DIP2C: variants seen among roughly 807,000 people sequenced by gnomAD.
DIP2C encodes DIP2 acetate--CoA ligase C (putative).
DIP2C carries 33 observed loss-of-function variants against 192.4 expected under a neutral mutation model. The observed-to-expected ratio is 0.17, with a 90% CI of 0.13 to 0.23. The LOEUF is 0.23. Among genes scored for constraint, DIP2C ranks in the 10% least tolerant of loss-of-function variants. The pLI is 1.00. For missense variants in DIP2C, 1,537 were observed against 2,110.1 expected (o/e 0.73, Z 5.32); for synonymous variants, 979 against 864.1 (o/e 1.13, Z -2.33).
intron 29 of DIP2C, chr10:340,725 G>A (rs774784541): frequency 3.5e-5 from 16 of 456,234 alleles, no homozygotes; most frequent in South Asian, 9.3e-5. Flanking sequence ...GCTCCGAGCC[G>A]GCTGCTGGGT....
intron 1 of DIP2C, among the ~76,000 whole-genome samples, chr10:670,010 G>A (rs182665688): frequency 3.1e-4 from 47 of 152,226 alleles, no homozygotes; most frequent in African/African-American, 1.1e-3. Context: ...CTGAGGAAAC[G>A]GAAAGTTGTC....
intron 1 of DIP2C, among the ~76,000 whole-genome samples, chr10:674,658 A>T (rs1830792671): frequency 6.6e-6 from 1 of 151,722 alleles, no homozygotes; most frequent in Non-Finnish European, 1.5e-5. Context: ...AATCCCAGCT[A>T]CTTGGGAGGC....
At position 277,246 on chromosome 10, in the gene DIP2C, CCT is replaced by C; in HGVS notation, c.*77_*78del. On this transcript the variant is annotated 3_prime_UTR_variant, in exon 37 of 37. Coordinates refer to ENST00000280886, the MANE Select transcript of DIP2C (RefSeq NM_014974.3). The stretch of plus-strand genomic sequence containing the variant: ...ATGGCTGTATTCTGGTGAGTGTTGC[CCT>C]GTGTCTGCACGCTTCAGTGGACACG... The C allele has an allele frequency of 6.4e-7, 1 of 1,563,380 alleles. No homozygotes were observed. Among genetic ancestry groups the C allele is most frequent in the Non-Finnish European group, 8.6e-7 (1 of 1,156,846 alleles).
At chr10:663,660 A>G (rs1396949058) in intron 1 of DIP2C, 2 of 152,270 alleles carry the variant, frequency 1.3e-5, no homozygotes, top group East Asian at 3.8e-4. Flanking sequence ...TGCGTGTGCC[A>G]TGACAGATCC....
chr10:466,841 G>A (rs11252584), intron 3 of DIP2C, among the ~76,000 whole-genome samples: 1,659 of 121,066 alleles, frequency 0.014, 60 homozygotes, highest in African/African-American at 0.041. Flanking sequence ...AGATATCATC[G>A]CACACCAGTT....
At chr10:495,952 T>C (rs1844798019) in intron 1 of DIP2C, among the ~76,000 whole-genome samples, 1 of 150,786 alleles carries the variant, frequency 6.6e-6, no homozygotes, top group African/African-American at 2.4e-5. Flanking sequence ...TGCCTTCCCG[T>C]GTACTTAAAA....
chr10:533,468 C>A (rs1278003166), intron 1 of DIP2C, among the ~76,000 whole-genome samples: 2 of 152,078 alleles, frequency 1.3e-5, no homozygotes, highest in Non-Finnish European at 2.9e-5. Flanking sequence ...TCAAATCCTT[C>A]CAAATAGTTT....
chr10:569,082 G>T (rs557068451), intron 1 of DIP2C, among the ~76,000 whole-genome samples: 7 of 152,124 alleles, frequency 4.6e-5, no homozygotes, highest in Non-Finnish European at 7.4e-5. Context: ...GGTAAGGTGC[G>T]GTCAAGGGTC....
chr10:556,097 C>T (rs1421749664), intron 1 of DIP2C, among the ~76,000 whole-genome samples: 1 of 129,920 alleles, frequency 7.7e-6, no homozygotes, highest in Non-Finnish European at 1.6e-5. Context: ...CCCCCCCTTC[C>T]ATAGCCGGAT....
At chr10:556,086 ACC>A (rs369490169) in intron 1 of DIP2C, among the ~76,000 whole-genome samples, 3 of 48,216 alleles carry the variant, frequency 6.2e-5, no homozygotes, top group East Asian at 1.0e-3. Context: ...GCACCCACCC[ACC>A]CCCCCTTCCA....
chr10:679,409 C>G, intron 1 of DIP2C, among the ~76,000 whole-genome samples: 1 of 79,536 alleles, frequency 1.3e-5, no homozygotes, highest in Non-Finnish European at 2.6e-5. Flanking sequence ...GCTCCCCACA[C>G]CCAGGCTCCC....
At chr10:349,490 C>T (rs201263256) in intron 24 of DIP2C, 36 bp from the exon 25 acceptor site, 25 of 1,580,652 alleles carry the variant, frequency 1.6e-5, no homozygotes, top group Non-Finnish European at 2.1e-5. Context: ...ACATAAGATT[C>T]CTTCAGCAGA....
intron 1 of DIP2C, among the ~76,000 whole-genome samples, chr10:554,679 T>C (rs1357428109): frequency 2.0e-5 from 3 of 152,204 alleles, no homozygotes; most frequent in Non-Finnish European, 4.4e-5. Context: ...GTCCTAGAAC[T>C]GGCTCCAGGG....
chr10:343,912 G>C (rs932817201), intron 28 of DIP2C, among the ~76,000 whole-genome samples: 4 of 152,220 alleles, frequency 2.6e-5, no homozygotes, highest in African/African-American at 9.6e-5. Flanking sequence ...TCACAGACGA[G>C]GGCATGGACA....
chr10:612,400 TTAAC>T (rs1391295990), intron 1 of DIP2C, among the ~76,000 whole-genome samples: 2 of 152,214 alleles, frequency 1.3e-5, no homozygotes, highest in Non-Finnish European at 2.9e-5. Context: ...AATGTTGAAT[TTAAC>T]TATCTTTTAA....
At chr10:655,344 T>C (rs530212416) in intron 1 of DIP2C, among the ~76,000 whole-genome samples, 1 of 152,326 alleles carries the variant, frequency 6.6e-6, no homozygotes, top group East Asian at 1.9e-4. Flanking sequence ...CGGACCCAGC[T>C]GAGCTAAAGA....
At chr10:309,293 C>A (rs560097415) in intron 32 of DIP2C, among the ~76,000 whole-genome samples, 1 of 152,194 alleles carries the variant, frequency 6.6e-6, no homozygotes, top group Non-Finnish European at 1.5e-5. Context: ...ACCAAGAACT[C>A]CACTTTTCTT....
At chr10:552,848 CA>C (rs551865513) in intron 1 of DIP2C, among the ~76,000 whole-genome samples, 1 of 151,920 alleles carries the variant, frequency 6.6e-6, no homozygotes, top group African/African-American at 2.4e-5. Context: ...GACTCCATCT[CA>C]AAAAAAAGTG....
intron 1 of DIP2C, among the ~76,000 whole-genome samples, chr10:492,271 C>T (rs1165619833): frequency 6.6e-6 from 1 of 152,234 alleles, no homozygotes; most frequent in African/African-American, 2.4e-5. Context: ...AGGCTTCTCC[C>T]TGCTGTTTGG....
Sources: gnomAD v4.1 joint callset for allele counts (sites outside exome capture counted in the v4.1 genomes callset) on GRCh38, gnomAD v4.1.1 for gene constraint, MANE v1.5 for transcripts, NCBI Gene and HGNC (gene_info 2026-07-23, HGNC 2026-07-21) for gene names.